Variants in APBB2 observed in about 807,000 individuals in gnomAD.
The protein encoded by APBB2 is Fe65-like 1.
In APBB2, 38 loss-of-function variants were observed where a neutral mutation model predicts 82.5. The ratio of observed to expected loss-of-function variants is 0.46; its 90% CI spans 0.36 to 0.60. The LOEUF is 0.60. Among genes scored for constraint, APBB2 ranks in the 20% least tolerant of loss-of-function variants. The probability of loss-of-function intolerance (pLI) is 0.00; values close to 1 mark genes in which losing one functional copy is unlikely to be tolerated. For synonymous variants in APBB2, 341 were observed against 368.2 expected (o/e 0.93, Z 0.85); for missense variants, 772 against 972.3 (o/e 0.79, Z 2.74).
intron 3 of APBB2, among the ~76,000 whole-genome samples, chr4:41,086,938 ACACAC>A (rs775859653): frequency 1.1e-3 from 163 of 151,666 alleles, no homozygotes; most frequent in African/African-American, 3.4e-3. Context: ...ACACACACAC[ACACAC>A]ACACACAAAA....
intron 3 of APBB2, among the ~76,000 whole-genome samples, chr4:41,077,159 C>T (rs1344873564): frequency 6.7e-6 from 1 of 150,118 alleles, no homozygotes; most frequent in Non-Finnish European, 1.5e-5. Flanking sequence ...CGCATACCAC[C>T]ACACCCAGCT....
At chr4:40,880,735 G>A in intron 12 of APBB2, 31 of 985,432 alleles carry the variant, frequency 3.1e-5, no homozygotes, top group Non-Finnish European at 3.6e-5. Flanking sequence ...CAGGGGAAGT[G>A]CGAGATGGAA....
Position 40,818,362 on chromosome 4 carries a change from A to G in APBB2, c.2113-2103T>C, listed in dbSNP as rs566737948. Among the ~76,000 whole-genome samples the G allele has an allele frequency of 2.3e-3, 347 of 152,318 alleles. 1 individual carries two copies. The highest frequency in any genetic ancestry group is 8.1e-3 in the African/African-American group (338 of 41,566). ...AAGCAAATGAGTAAAAGTTGTTTCC[A>G]AGAGGGAAAATGAATTGAGAATCAG... On this transcript the variant is annotated intron_variant, in intron 17 of 17. Coordinates refer to ENST00000508593, the MANE Select transcript of APBB2 (RefSeq NM_004307.2).
intron 1 of APBB2, among the ~76,000 whole-genome samples, chr4:41,183,860 A>G (rs1392077880): frequency 6.6e-6 from 1 of 152,070 alleles, no homozygotes; most frequent in Non-Finnish European, 1.5e-5. Flanking sequence ...GCGGTTCATG[A>G]TGATTCAAGC....
At chr4:41,134,301 C>T (rs560285822) in intron 2 of APBB2, among the ~76,000 whole-genome samples, 35 of 151,940 alleles carry the variant, frequency 2.3e-4, no homozygotes, top group Non-Finnish European at 3.4e-4. Flanking sequence ...TTTTTAGGGC[C>T]GGGCGCAGTG....
intron 10 of APBB2, among the ~76,000 whole-genome samples, chr4:40,906,993 T>C (rs752798790): frequency 3.1e-4 from 47 of 152,128 alleles, no homozygotes; most frequent in Non-Finnish European, 5.3e-4. Flanking sequence ...TACACACATA[T>C]ATGCATGTCT....
intron 1 of APBB2, among the ~76,000 whole-genome samples, chr4:41,160,507 G>A (rs1764887275): frequency 6.6e-6 from 1 of 152,176 alleles, no homozygotes; most frequent in East Asian, 1.9e-4. Context: ...GCAGTTAGGA[G>A]ACCCAGGTTC....
At chr4:41,174,487 G>A (rs1560955094) in intron 1 of APBB2, among the ~76,000 whole-genome samples, 1 of 152,056 alleles carries the variant, frequency 6.6e-6, no homozygotes. Context: ...TAACTAGTAG[G>A]AGACTCTACC....
chr4:40,860,197 C>T (rs1422252228), intron 12 of APBB2, among the ~76,000 whole-genome samples: 1 of 152,156 alleles, frequency 6.6e-6, no homozygotes, highest in East Asian at 1.9e-4. Context: ...AACTCTAACA[C>T]CTTGGAATGT....
chr4:40,992,656 C>T (rs978812886), intron 6 of APBB2, among the ~76,000 whole-genome samples: 10 of 152,262 alleles, frequency 6.6e-5, no homozygotes, highest in Non-Finnish European at 8.8e-5. Context: ...TGGATGGAAA[C>T]GCTGGTAACC....
chr4:40,930,484 CGTGTGTATGTGT>C (rs1205573291), intron 10 of APBB2, among the ~76,000 whole-genome samples: 1 of 146,546 alleles, frequency 6.8e-6, no homozygotes, highest in Non-Finnish European at 1.5e-5. Flanking sequence ...TGCGCGTATG[CGTGTGTATGTGT>C]GTGGTGATTT....
At chr4:41,095,531 G>C (rs905623379) in intron 3 of APBB2, among the ~76,000 whole-genome samples, 1 of 152,140 alleles carries the variant, frequency 6.6e-6, no homozygotes, top group Non-Finnish European at 1.5e-5. Context: ...TAGGCCCTAG[G>C]GGACACTGTT....
intron 4 of APBB2, among the ~76,000 whole-genome samples, chr4:41,042,093 C>G (rs1275839196): frequency 1.3e-5 from 2 of 152,100 alleles, no homozygotes; most frequent in Non-Finnish European, 2.9e-5. Context: ...TGCATTCAAC[C>G]GATTCTCCTG....
chr4:40,839,031 C>T (rs1358787532), intron 12 of APBB2, among the ~76,000 whole-genome samples: 1 of 152,136 alleles, frequency 6.6e-6, no homozygotes, highest in Non-Finnish European at 1.5e-5. Flanking sequence ...TGGAAAGCTC[C>T]AGTGAATAAT....
chr4:40,884,888 G>A (rs1321295796), intron 12 of APBB2, among the ~76,000 whole-genome samples: 1 of 152,136 alleles, frequency 6.6e-6, no homozygotes, highest in Non-Finnish European at 1.5e-5. Flanking sequence ...TTAGACAAAA[G>A]TTCCTGAGAT....
At chr4:40,827,082 G>A (rs1341382443) in intron 14 of APBB2, 50 bp downstream of exon 14, 1 of 1,532,520 alleles carries the variant, frequency 6.5e-7, no homozygotes, top group African/African-American at 1.4e-5. Context: ...TTCAGTCCTG[G>A]ACCAGGAGGG....
chr4:41,106,012 C>T (rs1305834065), intron 2 of APBB2, among the ~76,000 whole-genome samples: 1 of 151,980 alleles, frequency 6.6e-6, no homozygotes, highest in Non-Finnish European at 1.5e-5. Flanking sequence ...CTGAGATATA[C>T]ATTCACATAT....
chr4:40,943,716 A>G (rs1787625720), intron 7 of APBB2, among the ~76,000 whole-genome samples: 1 of 152,262 alleles, frequency 6.6e-6, no homozygotes, highest in Admixed American at 6.5e-5. Flanking sequence ...CCCAGTGATA[A>G]GCAACAAAGC....
At chr4:41,051,106 G>A (rs999240210) in intron 4 of APBB2, among the ~76,000 whole-genome samples, 2 of 151,770 alleles carry the variant, frequency 1.3e-5, no homozygotes, top group African/African-American at 4.9e-5. Flanking sequence ...GCGGAAGTCA[G>A]GAATCAGGGC....
Sources: gnomAD v4.1 joint callset for allele counts (sites outside exome capture counted in the v4.1 genomes callset) on GRCh38, gnomAD v4.1.1 for gene constraint, MANE v1.5 for transcripts, NCBI Gene and HGNC (gene_info 2026-07-23, HGNC 2026-07-21) for gene names.